ASPH: variants seen among roughly 807,000 people sequenced by gnomAD.
The protein encoded by ASPH is aspartate beta-hydroxylase.
ASPH carries 100 observed loss-of-function variants against 118.4 expected under a neutral mutation model. The observed-to-expected ratio is 0.84, with a 90% CI of 0.72 to 1.00. The LOEUF is 1.00. Among genes scored for constraint, ASPH ranks in the 50% least tolerant of loss-of-function variants. The probability of loss-of-function intolerance (pLI) is 0.00; values close to 1 mark genes in which losing one functional copy is unlikely to be tolerated. For missense variants in ASPH, 920 were observed against 919.5 expected, an observed-to-expected ratio of 1.00 and a Z score of -0.01; for synonymous variants, 315 against 325.6, an observed-to-expected ratio of 0.97 and a Z score of 0.35.
intron 21 of ASPH, among the ~76,000 whole-genome samples, chr8:61,535,901 C>G (rs1243566118): frequency 6.6e-6 from 1 of 152,108 alleles, no homozygotes; most frequent in African/African-American, 2.4e-5. Context: ...GCAGCAAATT[C>G]TCTTTGCAAT....
At chr8:61,664,834 G>T in intron 3 of ASPH, 1 of 985,972 alleles carries the variant, frequency 1.0e-6, no homozygotes, top group Non-Finnish European at 1.2e-6. Context: ...GGGGAAGGAG[G>T]GAAGAAAACA....
intron 21 of ASPH, among the ~76,000 whole-genome samples, chr8:61,541,308 G>T (rs1269076723): frequency 6.6e-6 from 1 of 152,124 alleles, no homozygotes; most frequent in Non-Finnish European, 1.5e-5. Context: ...AGCTTGCAGC[G>T]AGCTGAGATT....
chr8:61,675,682 AATC>A (rs1262676056), intron 3 of ASPH: 3 of 994,314 alleles, frequency 3.0e-6, no homozygotes, highest in Non-Finnish European at 2.4e-6. Context: ...AATCCATTAG[AATC>A]ATCATAATTA....
intron 22 of ASPH, among the ~76,000 whole-genome samples, chr8:61,523,835 A>T (rs1411446158): frequency 2.0e-5 from 3 of 151,754 alleles, no homozygotes; most frequent in African/African-American, 4.9e-5. Context: ...TATACCTGTA[A>T]TCTCAGCATT....
chr8:61,652,390 CT>C (rs1413915144), intron 4 of ASPH, among the ~76,000 whole-genome samples: 40 of 152,320 alleles, frequency 2.6e-4, no homozygotes, highest in African/African-American at 9.4e-4. Flanking sequence ...TCACACACTT[CT>C]CCAGAATCAT....
At chr8:61,608,776 G>A (rs1250934763) in intron 14 of ASPH, among the ~76,000 whole-genome samples, 1 of 152,062 alleles carries the variant, frequency 6.6e-6, no homozygotes, top group Non-Finnish European at 1.5e-5. Flanking sequence ...CAGAATAGTT[G>A]AGGGTGGGAC....
At chr8:61,529,531 C>T (rs1358443230) in intron 21 of ASPH, among the ~76,000 whole-genome samples, 1 of 152,086 alleles carries the variant, frequency 6.6e-6, no homozygotes, top group Non-Finnish European at 1.5e-5. Context: ...TTTAGGGGCA[C>T]TGGGGGGAAA....
At chr8:61,542,338 A>T (rs1187512274) in intron 21 of ASPH, among the ~76,000 whole-genome samples, 1 of 152,016 alleles carries the variant, frequency 6.6e-6, no homozygotes, top group Non-Finnish European at 1.5e-5. Flanking sequence ...ATAGATATTT[A>T]CTAGTGTGCC....
At chr8:61,680,176 T>C (rs1221427975) in intron 3 of ASPH, among the ~76,000 whole-genome samples, 1 of 151,842 alleles carries the variant, frequency 6.6e-6, no homozygotes, top group Admixed American at 6.6e-5. Flanking sequence ...TGGGTCATTA[T>C]TTTATAAGCT....
intron 13 of ASPH, among the ~76,000 whole-genome samples, chr8:61,621,322 CAAAA>C (rs71559339): frequency 9.1e-5 from 11 of 120,438 alleles, no homozygotes; most frequent in African/African-American, 3.4e-4. Context: ...GCAACTTGAG[CAAAA>C]AAAAAAAAAG....
intron 18 of ASPH, among the ~76,000 whole-genome samples, chr8:61,557,997 T>G (rs778815791): frequency 3.9e-5 from 6 of 152,218 alleles, no homozygotes; most frequent in African/African-American, 9.7e-5. Flanking sequence ...AATTAACAAA[T>G]TTATTGATTT....
At chr8:61,660,360 A>T (rs559803239) in intron 3 of ASPH, 7 of 152,286 alleles carry the variant, frequency 4.6e-5, no homozygotes, top group African/African-American at 1.7e-4. Context: ...TCAGTGCATC[A>T]ATTCCTCCTC....
At chr8:61,623,541 C>A (rs991467283) in intron 13 of ASPH, among the ~76,000 whole-genome samples, 5 of 152,134 alleles carry the variant, frequency 3.3e-5, no homozygotes, top group Admixed American at 6.5e-5. Flanking sequence ...AGCTTTGTAA[C>A]TTAATGTGAT....
intron 10 of ASPH, 53 bp from the exon 11 acceptor site, chr8:61,638,416 A>G: frequency 6.9e-7 from 1 of 1,440,398 alleles, no homozygotes; most frequent in Non-Finnish European, 9.6e-7. Flanking sequence ...GTAACACAAA[A>G]ACTGACAACA....
At chr8:61,593,101 T>C (rs2133075055) in intron 14 of ASPH, among the ~76,000 whole-genome samples, 1 of 152,326 alleles carries the variant, frequency 6.6e-6, no homozygotes, top group Middle Eastern at 3.4e-3. Flanking sequence ...CTGTGATGCC[T>C]CACACTGGGG....
intron 24 of ASPH, among the ~76,000 whole-genome samples, chr8:61,508,258 C>T (rs910936588): frequency 2.0e-5 from 3 of 152,170 alleles, no homozygotes; most frequent in African/African-American, 7.2e-5. Flanking sequence ...TCAAACAATT[C>T]TCCTGCTTTG....
At chr8:61,564,068 G>C (rs1320036189) in intron 17 of ASPH, among the ~76,000 whole-genome samples, 1 of 152,160 alleles carries the variant, frequency 6.6e-6, no homozygotes, top group Non-Finnish European at 1.5e-5. Context: ...CCAGGGCCGA[G>C]GACAGGGTGA....
At chr8:61,579,105 C>T (rs1370763659) in intron 15 of ASPH, 5 of 1,609,074 alleles carry the variant, frequency 3.1e-6, no homozygotes, top group African/African-American at 1.4e-5. Context: ...GGCTGGGAAG[C>T]ACGGGGATGA....
rs577727369 is a variant in ASPH, at chr8:61,651,200, T to C, written c.416-76A>G. ...GGACCCCTAACACTCAAATATGACATTGGTACATACACATTAAAATGAATA... is the reference window on the plus strand; with the variant it reads ...GGACCCCTAACACTCAAATATGACACTGGTACATACACATTAAAATGAATA... On this transcript the variant is annotated intron_variant, in intron 4 of 24. Coordinates refer to ENST00000379454, the MANE Select transcript of ASPH (RefSeq NM_004318.4). The C allele has an allele frequency of 2.0e-5, 24 of 1,202,724 alleles. No individual in the cohort carries two copies. In the African/African-American group the frequency reaches 2.4e-4, roughly 12 times the overall value. The allele number at this position is 1,202,724 out of a possible 1,614,324, so 74.5% of individuals were successfully genotyped here. A position where few individuals can be genotyped will look rare whatever the true frequency, so the allele number is the denominator to read the frequency against.
Sources: allele counts gnomAD v4.1 joint callset (sites outside exome capture counted in the v4.1 genomes callset), GRCh38; gene constraint gnomAD v4.1.1; transcripts MANE v1.5; gene names NCBI Gene and HGNC (gene_info 2026-07-23, HGNC 2026-07-21).